Variants in BBX observed in about 807,000 individuals in gnomAD.
BBX encodes the protein HMG box transcription factor BBX.
Under a neutral mutation model 100.2 loss-of-function variants are expected in BBX, and 30 were observed. The observed-to-expected ratio is 0.30, with a 90% CI of 0.22 to 0.41. The LOEUF is 0.41. BBX is among the 10% of genes least tolerant of loss of function. The probability of loss-of-function intolerance (pLI) is 1.00; values close to 1 mark genes in which losing one functional copy is unlikely to be tolerated. For missense variants in BBX, 1,023 were observed against 1,129.8 expected (o/e 0.91, Z 1.35); for synonymous variants, 376 against 388.1 (o/e 0.97, Z 0.37).
chr3:107,668,027 T>A (rs1218515336), intron 3 of BBX, among the ~76,000 whole-genome samples: 1 of 152,220 alleles, frequency 6.6e-6, no homozygotes, highest in Non-Finnish European at 1.5e-5. Flanking sequence ...TGACTAGGTT[T>A]TATTAAATTT....
chr3:107,668,098 C>A (rs146649776), intron 3 of BBX, among the ~76,000 whole-genome samples: 2,997 of 152,260 alleles, frequency 0.02, 109 homozygotes, highest in African/African-American at 0.068. Flanking sequence ...AGCAGCTGCA[C>A]TTTAATATTG....
At chr3:107,791,345 A>G (rs1188125549) in intron 15 of BBX, 46 bp downstream of exon 15, 4 of 1,504,576 alleles carry the variant, frequency 2.7e-6, no homozygotes, top group Admixed American at 3.4e-5. Flanking sequence ...GGAGCTGGAA[A>G]TGACATAAGT....
At chr3:107,687,420 G>C (rs2059911475) in intron 3 of BBX, among the ~76,000 whole-genome samples, 1 of 151,922 alleles carries the variant, frequency 6.6e-6, no homozygotes, top group African/African-American at 2.4e-5. Context: ...GTAGAGAATG[G>C]AGAGGGGGGA....
At chr3:107,678,494 CAGG>C (rs2059399141) in intron 3 of BBX, among the ~76,000 whole-genome samples, 4 of 152,040 alleles carry the variant, frequency 2.6e-5, no homozygotes, top group African/African-American at 9.7e-5. Flanking sequence ...CAAGCCGAAG[CAGG>C]AGGATTGTTT....
chr3:107,618,524 A>G (rs1171628644), intron 2 of BBX, among the ~76,000 whole-genome samples: 1 of 152,086 alleles, frequency 6.6e-6, no homozygotes, highest in Non-Finnish European at 1.5e-5. Context: ...GTTTCAAAAA[A>G]AGTATTTAGT....
At chr3:107,720,856 A>G (rs550345407) in intron 5 of BBX, among the ~76,000 whole-genome samples, 2 of 152,034 alleles carry the variant, frequency 1.3e-5, no homozygotes, top group African/African-American at 4.8e-5. Flanking sequence ...TGTAAAGACC[A>G]TTCATTCCCT....
intron 10 of BBX, among the ~76,000 whole-genome samples, chr3:107,765,582 G>A (rs2066324201): frequency 6.6e-6 from 1 of 152,146 alleles, no homozygotes; most frequent in Admixed American, 6.5e-5. Flanking sequence ...AAAGCATTGG[G>A]ATTATAGGTG....
At chr3:107,698,240 A>G (rs2060792752) in intron 3 of BBX, among the ~76,000 whole-genome samples, 1 of 151,746 alleles carries the variant, frequency 6.6e-6, no homozygotes, top group South Asian at 2.1e-4. Context: ...ATTATTTTAA[A>G]CTAAAACAAC....
intron 3 of BBX, among the ~76,000 whole-genome samples, chr3:107,691,048 C>T (rs562866922): frequency 2.0e-5 from 3 of 151,796 alleles, no homozygotes; most frequent in East Asian, 1.9e-4. Flanking sequence ...CTAGGACCAC[C>T]GGTGTGCACC....
chr3:107,787,181 C>T (rs1032480), intron 13 of BBX, among the ~76,000 whole-genome samples: 16,001 of 152,054 alleles, frequency 0.11, 1,066 homozygotes, highest in Middle Eastern at 0.16. Context: ...TTGGCCTAAG[C>T]TTTATTATTT....
chr3:107,703,770 G>T (rs963676000), intron 3 of BBX, among the ~76,000 whole-genome samples: 1 of 152,290 alleles, frequency 6.6e-6, no homozygotes, highest in Non-Finnish European at 1.5e-5. Flanking sequence ...ATTGTCATTA[G>T]AATTACAAGA....
chr3:107,572,306 TA>T (rs1213240793), intron 2 of BBX, among the ~76,000 whole-genome samples: 1 of 152,212 alleles, frequency 6.6e-6, no homozygotes, highest in Non-Finnish European at 1.5e-5. Context: ...GACAATCATT[TA>T]TTTTTTTTTA....
At chr3:107,541,029 T>C (rs2048828205) in intron 2 of BBX, among the ~76,000 whole-genome samples, 1 of 152,216 alleles carries the variant, frequency 6.6e-6, no homozygotes, top group African/African-American at 2.4e-5. Flanking sequence ...AGCATCTTTC[T>C]CCTTTAGTGG....
chr3:107,714,032 G>A (rs2061926537), intron 4 of BBX, among the ~76,000 whole-genome samples: 1 of 125,138 alleles, frequency 8.0e-6, no homozygotes, highest in South Asian at 2.8e-4. Context: ...CTGGAGTGCA[G>A]TAGTGTGATC....
chr3:107,672,039 A>C (rs1369135608), intron 3 of BBX, among the ~76,000 whole-genome samples: 1 of 152,050 alleles, frequency 6.6e-6, no homozygotes, highest in African/African-American at 2.4e-5. Flanking sequence ...ATCCACATGT[A>C]GTGTATTTTA....
chr3:107,648,799 A>G (rs1462279005), intron 3 of BBX, among the ~76,000 whole-genome samples: 1 of 152,224 alleles, frequency 6.6e-6, no homozygotes, highest in African/African-American at 2.4e-5. Flanking sequence ...TCATCTCACA[A>G]TATGAAAAAA....
chr3:107,682,493 C>G (rs938921549), intron 3 of BBX, among the ~76,000 whole-genome samples: 2 of 152,102 alleles, frequency 1.3e-5, no homozygotes, highest in African/African-American at 4.8e-5. Context: ...AGCAAACCAA[C>G]TCCAGCTTCT....
rs146600320 is a variant in BBX at position 107,807,637 on chromosome 3, C to T, written c.*2180C>T. Reference sequence around the variant, plus strand: ...GAATAGATCTATTTTTGCCAGAGCACCCTCCTTCAGTCCTCCGATTACATT... The same window carrying T: ...GAATAGATCTATTTTTGCCAGAGCATCCTCCTTCAGTCCTCCGATTACATT... On this transcript the variant is annotated 3_prime_UTR_variant, in exon 18 of 18. Coordinates refer to ENST00000325805, the MANE Select transcript of BBX (RefSeq NM_001142568.3). 1.3e-5 allele frequency: 2 copies of T among 151,926 alleles called. No homozygotes were observed. The highest frequency in any genetic ancestry group is 3.9e-4 in the East Asian group (2 of 5,180). 9.4% of individuals were successfully genotyped at this position (151,926 alleles called of 1,614,324 possible). A position where few individuals can be genotyped will look rare whatever the true frequency, so the allele number is the denominator to read the frequency against.
At chr3:107,575,373 A>G (rs2051696404) in intron 2 of BBX, among the ~76,000 whole-genome samples, 2 of 152,110 alleles carry the variant, frequency 1.3e-5, no homozygotes, top group African/African-American at 2.4e-5. Context: ...GCCAGTGTTT[A>G]TGGACAGTTT....
Sources: allele counts gnomAD v4.1 joint callset (sites outside exome capture counted in the v4.1 genomes callset), GRCh38; gene constraint gnomAD v4.1.1; transcripts MANE v1.5; gene names NCBI Gene and HGNC (gene_info 2026-07-23, HGNC 2026-07-21).